RBFOX1: variants seen among roughly 807,000 people sequenced by gnomAD.
RBFOX1 encodes the protein RNA binding protein fox-1 homolog 1.
A neutral mutation model predicts 57.7 loss-of-function variants in RBFOX1; 8 were observed. The observed-to-expected ratio is 0.14, with a 90% confidence interval of 0.08 to 0.25. The LOEUF is 0.25. Among genes scored for constraint, RBFOX1 ranks in the 10% least tolerant of loss-of-function variants. The probability of loss-of-function intolerance (pLI) is 1.00; values close to 1 mark genes in which losing one functional copy is unlikely to be tolerated. For synonymous variants in RBFOX1, 326 were observed against 222.4 expected (o/e 1.47, Z -4.15); for missense variants, 611 against 548.5 (o/e 1.11, Z -1.14).
At chr16:5,961,745 C>T (rs1377440726) in intron 4 of RBFOX1, among the ~76,000 whole-genome samples, 2 of 152,102 alleles carry the variant, frequency 1.3e-5, no homozygotes, top group Admixed American at 6.6e-5. Flanking sequence ...CCAGGCTGGT[C>T]TCAAACTCCC....
chr16:6,394,484 C>T (rs552160847), intron 2 of RBFOX1, among the ~76,000 whole-genome samples: 2 of 147,534 alleles, frequency 1.4e-5, no homozygotes, highest in South Asian at 2.2e-4. Flanking sequence ...AATTTACCCC[C>T]CAGAATAGCA....
chr16:5,426,047 A>C (rs2067549504), intron 1 of RBFOX1, among the ~76,000 whole-genome samples: 1 of 152,200 alleles, frequency 6.6e-6, no homozygotes, highest in Admixed American at 6.5e-5. Flanking sequence ...AACCCAAAAC[A>C]CAAAACAGAA....
chr16:7,139,849 G>A (rs1482113782), intron 4 of RBFOX1, among the ~76,000 whole-genome samples: 3 of 152,118 alleles, frequency 2.0e-5, no homozygotes, highest in Non-Finnish European at 2.9e-5. Context: ...AAGGAATGAG[G>A]AATTGAGGAG....
At chr16:6,903,778 G>T (rs114478040) in intron 3 of RBFOX1, among the ~76,000 whole-genome samples, 1,722 of 152,248 alleles carry the variant, frequency 0.011, 31 homozygotes, top group African/African-American at 0.039. Context: ...AGGGCCTTTC[G>T]GAGCTGCCGC....
intron 3 of RBFOX1, among the ~76,000 whole-genome samples, chr16:6,970,272 C>G (rs2085243502): frequency 6.6e-6 from 1 of 152,128 alleles, no homozygotes; most frequent in Non-Finnish European, 1.5e-5. Flanking sequence ...AGGCAGGGTA[C>G]TTTCAATGAC....
At chr16:6,557,412 T>A (rs1216427107) in intron 2 of RBFOX1, among the ~76,000 whole-genome samples, 2 of 152,138 alleles carry the variant, frequency 1.3e-5, no homozygotes, top group Non-Finnish European at 2.9e-5. Context: ...TGAACCAGAC[T>A]GGGACAGTAC....
chr16:5,816,980 A>G (rs892661102), intron 3 of RBFOX1, among the ~76,000 whole-genome samples: 1 of 152,104 alleles, frequency 6.6e-6, no homozygotes, highest in Admixed American at 6.5e-5. Context: ...AAACAAAAAT[A>G]TTTCTTCTGT....
intron 1 of RBFOX1, among the ~76,000 whole-genome samples, chr16:6,271,250 C>T (rs142324961): frequency 6.6e-6 from 1 of 152,192 alleles, no homozygotes; most frequent in Admixed American, 6.5e-5. Context: ...ATGGTGAAAC[C>T]CCATACCTAC....
chr16:5,955,362 A>AAAAT (rs1567187928), intron 4 of RBFOX1, among the ~76,000 whole-genome samples: 2 of 20,146 alleles, frequency 9.9e-5, no homozygotes, highest in African/African-American at 3.4e-4. Flanking sequence ...AAATAAAAAT[A>AAAAT]AAATAAAATA....
At chr16:6,034,317 G>A (rs8044871) in intron 1 of RBFOX1, among the ~76,000 whole-genome samples, 51,481 of 120,602 alleles carry the variant, frequency 0.43, 10,389 homozygotes, top group East Asian at 0.54. Flanking sequence ...GGGTGACAGA[G>A]CGAGACTGTT....
intron 1 of RBFOX1, among the ~76,000 whole-genome samples, chr16:5,258,641 G>A (rs2062650464): frequency 6.6e-6 from 1 of 152,184 alleles, no homozygotes; most frequent in Non-Finnish European, 1.5e-5. Context: ...TCTCAGGCTA[G>A]GCGTGGTGGC....
chr16:6,399,702 C>G (rs1230994586), intron 2 of RBFOX1, among the ~76,000 whole-genome samples: 1 of 152,030 alleles, frequency 6.6e-6, no homozygotes, highest in Admixed American at 6.6e-5. Context: ...TCCACTACCT[C>G]AATAACAGCT....
intron 1 of RBFOX1, among the ~76,000 whole-genome samples, chr16:6,029,183 G>A (rs867840184): frequency 4.6e-5 from 7 of 152,106 alleles, no homozygotes; most frequent in Admixed American, 6.6e-5. Context: ...GTGATTTGTG[G>A]AAAGATATTT....
chr16:7,426,580 C>T (rs555316595), intron 4 of RBFOX1, among the ~76,000 whole-genome samples: 9 of 152,222 alleles, frequency 5.9e-5, no homozygotes, highest in African/African-American at 1.9e-4. Flanking sequence ...CAAATAGATG[C>T]GCCAAGGGAG....
At chr16:7,439,099 A>C (rs551531667) in intron 4 of RBFOX1, among the ~76,000 whole-genome samples, 1 of 152,154 alleles carries the variant, frequency 6.6e-6, no homozygotes, top group Non-Finnish European at 1.5e-5. Context: ...TGCACAGAGG[A>C]GCATGGTCCT....
intron 3 of RBFOX1, among the ~76,000 whole-genome samples, chr16:6,800,533 C>T (rs751314905): frequency 3.9e-5 from 6 of 152,094 alleles, no homozygotes; most frequent in African/African-American, 7.2e-5. Context: ...GCCGCCCTTC[C>T]GTGCACGCTA....
chr16:7,697,645 A>T (rs1162776761), intron 14 of RBFOX1, among the ~76,000 whole-genome samples: 1 of 152,126 alleles, frequency 6.6e-6, no homozygotes, highest in Non-Finnish European at 1.5e-5. Context: ...TCAGGTCCAG[A>T]AACATTTAGT....
chr16:5,998,869 C>T (rs1324686076), intron 4 of RBFOX1, among the ~76,000 whole-genome samples: 1 of 152,128 alleles, frequency 6.6e-6, no homozygotes, highest in African/African-American at 2.4e-5. Flanking sequence ...CCATTTAATT[C>T]CAAATGGCAT....
chr16:6,702,289 C>G (rs771118448), intron 3 of RBFOX1, among the ~76,000 whole-genome samples: 1 of 152,142 alleles, frequency 6.6e-6, no homozygotes, highest in Admixed American at 6.5e-5. Context: ...CGTGGTGGCT[C>G]ATGCCTGTAA....
Sources: gnomAD v4.1 joint callset for allele counts (sites outside exome capture counted in the v4.1 genomes callset) on GRCh38, gnomAD v4.1.1 for gene constraint, MANE v1.5 for transcripts, NCBI Gene and HGNC (gene_info 2026-07-23, HGNC 2026-07-21) for gene names.